The following SUSD1 variants were observed in gnomAD, a reference collection of about 807,000 sequenced individuals.
The protein encoded by SUSD1 is sushi domain containing 1.
SUSD1 carries 65 observed loss-of-function variants against 86.9 expected under a neutral mutation model. That is an observed-to-expected ratio of 0.75 (90% confidence interval 0.61 to 0.92). SUSD1 has a LOEUF of 0.92. Among genes scored for constraint, SUSD1 ranks in the 40% least tolerant of loss-of-function variants. SUSD1 has a pLI of 0.00. For synonymous variants in SUSD1, 346 were observed against 350.0 expected (o/e 0.99, Z 0.13); for missense variants, 850 against 929.7 (o/e 0.91, Z 1.11).
intron 5 of SUSD1, 141 bp from the exon 6 acceptor site, chr9:112,124,577 A>G (rs777626464): frequency 8.2e-6 from 6 of 732,316 alleles, no homozygotes; most frequent in African/African-American, 1.8e-5. Flanking sequence ...AAATAATCCA[A>G]TATAAGTATG....
At chr9:112,045,920 C>T (rs935759389) in intron 15 of SUSD1, among the ~76,000 whole-genome samples, 3 of 152,200 alleles carry the variant, frequency 2.0e-5, no homozygotes, top group African/African-American at 4.8e-5. Flanking sequence ...CCCTCACAAA[C>T]GAAGAGGACA....
At chr9:112,146,809 T>A (rs1832827790) in intron 3 of SUSD1, among the ~76,000 whole-genome samples, 1 of 152,118 alleles carries the variant, frequency 6.6e-6, no homozygotes, top group Admixed American at 6.5e-5. Context: ...CTAATTTTCT[T>A]ATTTTTTGTA....
At chr9:112,089,410 C>G (rs1830110673) in intron 10 of SUSD1, among the ~76,000 whole-genome samples, 1 of 152,090 alleles carries the variant, frequency 6.6e-6, no homozygotes, top group African/African-American at 2.4e-5. Context: ...AATCAAAAAG[C>G]ATTAAATATG....
chr9:112,153,557 T>C (rs116369774), intron 2 of SUSD1, among the ~76,000 whole-genome samples: 2,224 of 151,744 alleles, frequency 0.015, 60 homozygotes, highest in African/African-American at 0.05. Context: ...ATATAGCAAA[T>C]ACATAATCCA....
At chr9:112,079,245 T>A (rs1398139240) in intron 11 of SUSD1, among the ~76,000 whole-genome samples, 1 of 152,070 alleles carries the variant, frequency 6.6e-6, no homozygotes, top group Non-Finnish European at 1.5e-5. Context: ...ATATTATTTG[T>A]ATAATAAATA....
At chr9:112,103,146 C>A in intron 8 of SUSD1, 1 of 463,106 alleles carries the variant, frequency 2.2e-6, no homozygotes, top group Non-Finnish European at 4.4e-6. Context: ...ATGTGTATTT[C>A]TCCCGTGGGA....
At chr9:112,044,953 C>T (rs138620515) in intron 15 of SUSD1, among the ~76,000 whole-genome samples, 8 of 152,024 alleles carry the variant, frequency 5.3e-5, no homozygotes, top group Non-Finnish European at 1.0e-4. Flanking sequence ...ACCTCAATAG[C>T]GAAATGAGAA....
intron 15 of SUSD1, among the ~76,000 whole-genome samples, chr9:112,043,289 G>C (rs1169388138): frequency 6.6e-6 from 1 of 152,200 alleles, no homozygotes; most frequent in Non-Finnish European, 1.5e-5. Flanking sequence ...ATCAGTGCTT[G>C]AGATATTTTC....
intron 12 of SUSD1, among the ~76,000 whole-genome samples, chr9:112,066,630 T>C (rs1369726946): frequency 6.6e-6 from 1 of 152,210 alleles, no homozygotes; most frequent in Non-Finnish European, 1.5e-5. Context: ...ACCTTGTGCC[T>C]GAGATTCTCC....
chr9:112,102,114 G>A, intron 9 of SUSD1, 62 bp downstream of exon 9: 1 of 876,992 alleles, frequency 1.1e-6, no homozygotes, highest in Non-Finnish European at 1.7e-6. Context: ...TACTTACTTG[G>A]AGATCGCCCA....
chr9:112,154,988 C>G (rs1264602441), intron 2 of SUSD1, among the ~76,000 whole-genome samples: 1 of 151,958 alleles, frequency 6.6e-6, no homozygotes, highest in Non-Finnish European at 1.5e-5. Flanking sequence ...CGGTGGCTCA[C>G]GTCTGTAATC....
chr9:112,138,922 T>C (rs1275896031), intron 5 of SUSD1, among the ~76,000 whole-genome samples: 1 of 152,174 alleles, frequency 6.6e-6, no homozygotes, highest in Non-Finnish European at 1.5e-5. Flanking sequence ...CACAGCAAAT[T>C]AGAAGGCTTT....
At chr9:112,068,033 C>G (rs1301728073) in intron 12 of SUSD1, among the ~76,000 whole-genome samples, 1 of 152,170 alleles carries the variant, frequency 6.6e-6, no homozygotes, top group East Asian at 1.9e-4. Flanking sequence ...AACAAACACC[C>G]ATTAGCCACC....
At position 112,080,155 on chromosome 9, in the gene SUSD1, G is replaced by T; in HGVS notation, c.1485C>A (p.Thr495=). The change falls in exon 11 of 17, where the codon ACC becomes ACA. Residue 495 remains threonine, a synonymous_variant. Coordinates refer to ENST00000374270, the MANE Select transcript of SUSD1 (RefSeq NM_022486.5). ...TIATPPAVKQ[T]ISNISGFNET... ...CATTAAATCCTGAAATGTTACTGAT[G>T]GTCTGTTTTACTGTAGTGGAAAAGA... 1 of 1,611,826 alleles carries T rather than the reference G, an allele frequency of 6.2e-7. No individual in the cohort carries two copies. Among genetic ancestry groups the T allele is most frequent in the South Asian group, 1.1e-5 (1 of 91,010 alleles).
rs140485718 is a variant in SUSD1 at position 112,109,521 on chromosome 9, G to A, written c.1171+2133C>T. On this transcript the variant is annotated intron_variant, in intron 8 of 16. Coordinates refer to ENST00000374270, the MANE Select transcript of SUSD1 (RefSeq NM_022486.5). The stretch of plus-strand genomic sequence containing the variant: ...ATCCTAATTCTCTCTAGATTAACTT[G>A]CAAATATAATCCAATTCCCTTTAGT... Among the ~76,000 whole-genome samples, 178 of 152,280 alleles carry A rather than the reference G, an allele frequency of 1.2e-3. 1 individual carries two copies. The highest frequency in any genetic ancestry group is 4.0e-3 in the African/African-American group (168 of 41,552).
chr9:112,150,580 G>T (rs1425659289), intron 2 of SUSD1, among the ~76,000 whole-genome samples: 2 of 152,010 alleles, frequency 1.3e-5, no homozygotes, highest in Admixed American at 6.6e-5. Context: ...GTGTCATTAG[G>T]CAAGTTCATG....
At chr9:112,049,757 A>C (rs1828110012) in intron 15 of SUSD1, among the ~76,000 whole-genome samples, 1 of 152,250 alleles carries the variant, frequency 6.6e-6, no homozygotes, top group African/African-American at 2.4e-5. Flanking sequence ...TTATACATAA[A>C]AAAGTATTGC....
intron 7 of SUSD1, among the ~76,000 whole-genome samples, chr9:112,112,274 A>T (rs1395813546): frequency 6.6e-6 from 1 of 152,192 alleles, no homozygotes; most frequent in African/African-American, 2.4e-5. Context: ...AATGCAAAAT[A>T]ACGAAATCAT....
intron 6 of SUSD1, among the ~76,000 whole-genome samples, chr9:112,115,457 C>G (rs1329476979): frequency 6.6e-6 from 1 of 152,172 alleles, no homozygotes; most frequent in East Asian, 1.9e-4. Flanking sequence ...ATTCCTGGAT[C>G]TCTATATCAG....
Sources: gnomAD v4.1 joint callset for allele counts (sites outside exome capture counted in the v4.1 genomes callset) on GRCh38, gnomAD v4.1.1 for gene constraint, MANE v1.5 for transcripts, NCBI Gene and HGNC (gene_info 2026-07-23, HGNC 2026-07-21) for gene names.